Variants in FLT1 observed in about 807,000 individuals in gnomAD.
FLT1 encodes vascular endothelial growth factor receptor 1.
Under a neutral mutation model 156.3 loss-of-function variants are expected in FLT1, and 49 were observed. The ratio of observed to expected loss-of-function variants is 0.31; its 90% CI spans 0.25 to 0.40. The LOEUF (loss-of-function observed/expected upper bound fraction) is 0.40, where lower values mean the gene tolerates loss of function less well. FLT1 is among the 10% of genes least tolerant of loss of function. The pLI is 1.00. For missense variants in FLT1, 1,322 were observed against 1,637.2 expected (o/e 0.81, Z 3.32); for synonymous variants, 594 against 583.8 (o/e 1.02, Z -0.25).
rs779395360 is a variant in FLT1, at chr13:28,311,531, TTTCC to T, written c.3635+55_3635+58del. 263 of 1,399,256 alleles carry T rather than the reference TTTCC, an allele frequency of 1.9e-4. 1 individual carries two copies. Among genetic ancestry groups the T allele is most frequent in the Admixed American group, 7.6e-4 (43 of 56,716 alleles). 86.7% of individuals were successfully genotyped at this position (1,399,256 alleles called of 1,614,324 possible). A position where few individuals can be genotyped will look rare whatever the true frequency, so the allele number is the denominator to read the frequency against. On this transcript the variant is annotated intron_variant, in intron 27 of 29. Coordinates refer to ENST00000282397, the MANE Select transcript of FLT1 (RefSeq NM_002019.4). ...CGTCTTTCTTTCTCTTTCGTCTTTC[TTTCC>T]TTCTTTTTTTTGTTGGAAAATTCTG...
chr13:28,445,409 G>A (rs764898992), intron 3 of FLT1, among the ~76,000 whole-genome samples: 5 of 152,208 alleles, frequency 3.3e-5, no homozygotes, highest in Non-Finnish European at 7.3e-5. Context: ...CCAGGTGGCA[G>A]AGGTTGCAGG....
At chr13:28,493,756 G>C (rs966982534) in intron 1 of FLT1, among the ~76,000 whole-genome samples, 27 of 152,288 alleles carry the variant, frequency 1.8e-4, no homozygotes, top group African/African-American at 6.3e-4. Context: ...AGTTCCTCGG[G>C]GCTTTGACCC....
At position 28,317,576 on chromosome 13, in the gene FLT1, A is replaced by G. The variant is rs1299569579; in HGVS notation, c.3308T>C (p.Val1103Ala). Reference protein sequence around the residue: ...FSLGGSPYPGVQMDEDFCSRL... With the variant: ...FSLGGSPYPGAQMDEDFCSRL... Reference sequence around the variant, plus strand: ...ACTGCAAAAGTCCTCATCCATTTGTACTCCTGGGTATGGAGACCCACCTGC... The same window carrying G: ...ACTGCAAAAGTCCTCATCCATTTGTGCTCCTGGGTATGGAGACCCACCTGC... Residue 1103 changes from valine to alanine, a missense_variant, in exon 25 of 30, where the codon GTA (valine) becomes GCA (alanine). Coordinates refer to ENST00000282397, the MANE Select transcript of FLT1 (RefSeq NM_002019.4). The G allele has an allele frequency of 1.2e-6, 2 of 1,613,472 alleles. No individual in the cohort carries two copies. The highest frequency in any genetic ancestry group is 2.2e-5 in the East Asian group (1 of 44,868).
chr13:28,452,917 C>T (rs1247177008), intron 3 of FLT1, among the ~76,000 whole-genome samples: 1 of 147,768 alleles, frequency 6.8e-6, no homozygotes, highest in African/African-American at 2.5e-5. Flanking sequence ...TTTTAATGTC[C>T]CTCTTGAGGT....
chr13:28,339,329 C>G (rs765473341), intron 16 of FLT1, 29 bp from the exon 17 acceptor site: 1 of 1,609,002 alleles, frequency 6.2e-7, no homozygotes. Context: ...TCAAAGTCAT[C>G]GAGAAGAAAA....
chr13:28,319,046 G>T (rs1871326464), intron 24 of FLT1, among the ~76,000 whole-genome samples: 1 of 152,222 alleles, frequency 6.6e-6, no homozygotes, highest in Non-Finnish European at 1.5e-5. Context: ...GAAATTCTGA[G>T]GTGGTGGGAG....
At chr13:28,332,508 T>A (rs1337334426) in intron 18 of FLT1, among the ~76,000 whole-genome samples, 2 of 152,146 alleles carry the variant, frequency 1.3e-5, no homozygotes, top group Admixed American at 1.3e-4. Context: ...GGATACTGGA[T>A]TGCCTCCATA....
At chr13:28,430,797 G>A (rs1347290571) in intron 7 of FLT1, among the ~76,000 whole-genome samples, 1 of 152,076 alleles carries the variant, frequency 6.6e-6, no homozygotes, top group Admixed American at 6.6e-5. Flanking sequence ...TAGTACCTGA[G>A]AAATTTTTCT....
intron 1 of FLT1, among the ~76,000 whole-genome samples, chr13:28,479,106 C>G (rs1269904617): frequency 6.6e-6 from 1 of 152,054 alleles, no homozygotes; most frequent in Non-Finnish European, 1.5e-5. Flanking sequence ...TTAAATTCAC[C>G]CACTAACAGG....
At chr13:28,401,582 T>G (rs942929122) in intron 11 of FLT1, among the ~76,000 whole-genome samples, 2 of 152,244 alleles carry the variant, frequency 1.3e-5, no homozygotes, top group Non-Finnish European at 2.9e-5. Flanking sequence ...TATGGAACAC[T>G]GATTTTAATC....
At position 28,334,248 on chromosome 13, in the gene FLT1, C is replaced by T. The variant is rs17536165; in HGVS notation, c.2489-119G>A. 9.8e-3 allele frequency: 7,679 copies of T among 784,082 alleles called. 54 individuals are homozygous for T. Among genetic ancestry groups the T allele is most frequent in the Middle Eastern group, 0.014 (60 of 4,442 alleles). The allele number at this position is 784,082 out of a possible 1,614,324, so 48.6% of individuals were successfully genotyped here. A position where few individuals can be genotyped will look rare whatever the true frequency, so the allele number is the denominator to read the frequency against. ...TGTGAGGCATGGAATCTCCAGTGAA[C>T]TAACCCTAAAAGAGACAAAGTAAGG... On this transcript the variant is annotated intron_variant, in intron 17 of 29. Transcript: ENST00000282397.
In FLT1 at chr13:28,467,582, G is replaced by T. The variant is rs2137623990; in HGVS notation, c.100C>A (p.Leu34Met). Residue 34 changes from leucine (L) to methionine (M), a missense_variant, in exon 2 of 30, where the codon CTG becomes ATG. Leu to Met is a conservative substitution (Grantham distance 15). This residue lies in a region of FLT1 where 991 missense variants were observed against 1,254.8 expected (regional missense o/e 0.79). Transcript: ENST00000282397. ...SSGSKLKDPE[L>M]SLKGTQHIMQ... ...ATGTGCTGGGTGCCTTTTAAACTCA[G>T]TTCAGGATCTTTTAATTTTGAACCT... 4 of 1,609,486 alleles carry T rather than the reference G, an allele frequency of 2.5e-6. No homozygotes were observed. The South Asian group carries it at 4.4e-5, about 18-fold the overall frequency.
intron 3 of FLT1, among the ~76,000 whole-genome samples, chr13:28,455,812 T>G (rs1460180480): frequency 6.6e-6 from 1 of 152,210 alleles, no homozygotes; most frequent in East Asian, 1.9e-4. Flanking sequence ...ACAACTCTGT[T>G]TAAAATGGGT....
At chr13:28,368,274 T>A (rs1873377738) in intron 14 of FLT1, 1 of 383,054 alleles carries the variant, frequency 2.6e-6, no homozygotes, top group Admixed American at 4.3e-5. Context: ...TGTCTCAGCC[T>A]CCCGAGTAGC....
Position 28,406,375 on chromosome 13 carries a change from A to G in FLT1, c.1437-481T>C, listed in dbSNP as rs145209630. On this transcript the variant is annotated intron_variant, in intron 10 of 29. Transcript: ENST00000282397. Reference sequence around the variant, plus strand: ...TGGAAATCAACATCATGAAACAGTTATTAAATTCAGTCTCTCTCTGCTCAA... The same window carrying G: ...TGGAAATCAACATCATGAAACAGTTGTTAAATTCAGTCTCTCTCTGCTCAA... Among the ~76,000 whole-genome samples, 372 of 152,296 alleles carry G rather than the reference A, an allele frequency of 2.4e-3. 4 individuals carry two copies. Among genetic ancestry groups the G allele is most frequent in the African/African-American group, 8.5e-3 (352 of 41,570 alleles).
intron 3 of FLT1, among the ~76,000 whole-genome samples, chr13:28,464,491 C>T (rs1879748457): frequency 6.6e-6 from 1 of 152,246 alleles, no homozygotes; most frequent in Non-Finnish European, 1.5e-5. Context: ...TTCCACAAAG[C>T]ACCTGTTAAT....
At chr13:28,397,136 C>T in intron 11 of FLT1, 68 bp from the exon 12 acceptor site, 1 of 898,052 alleles carries the variant, frequency 1.1e-6, no homozygotes, top group South Asian at 1.3e-5. Flanking sequence ...CAAGCTACTT[C>T]TGAGGTTGAA....
chr13:28,386,572 T>C, intron 13 of FLT1: 3 of 1,055,552 alleles, frequency 2.8e-6, no homozygotes, highest in Non-Finnish European at 3.4e-6. Flanking sequence ...GTCTTTCCTA[T>C]CTTATCTTGC....
chr13:28,361,208 G>T (rs775158996), intron 14 of FLT1, among the ~76,000 whole-genome samples: 2 of 152,052 alleles, frequency 1.3e-5, no homozygotes, highest in Non-Finnish European at 2.9e-5. Context: ...GAAGCCGGGA[G>T]GCAGAGCTTG....
Sources: allele counts gnomAD v4.1 joint callset (sites outside exome capture counted in the v4.1 genomes callset), GRCh38; gene constraint gnomAD v4.1.1; regional missense constraint gnomAD v4.1.1; transcripts MANE v1.5; gene names NCBI Gene and HGNC (gene_info 2026-07-23, HGNC 2026-07-21).